Variants in PALS2 observed in about 807,000 individuals in gnomAD.
PALS2 encodes the protein protein associated with LIN7 2, MAGUK p55 family member, also known as protein PALS2.
Under a neutral mutation model 61.6 loss-of-function variants are expected in PALS2, and 27 were observed. The observed-to-expected ratio is 0.44, with a 90% CI of 0.32 to 0.60. PALS2 has a LOEUF of 0.60. Among genes scored for constraint, PALS2 ranks in the 20% least tolerant of loss-of-function variants. The pLI is 0.05. For missense variants in PALS2, 554 were observed against 639.4 expected (o/e 0.87, Z 1.44); for synonymous variants, 236 against 218.6 (o/e 1.08, Z -0.70).
intron 9 of PALS2, among the ~76,000 whole-genome samples, chr7:24,671,227 G>A (rs537684930): frequency 1.3e-4 from 20 of 152,324 alleles, no homozygotes; most frequent in Admixed American, 5.2e-4. Flanking sequence ...CCTAGTGGGT[G>A]TAAAGTTGTA....
intron 2 of PALS2, among the ~76,000 whole-genome samples, chr7:24,632,365 A>G (rs1357149284): frequency 6.6e-6 from 1 of 152,114 alleles, no homozygotes; most frequent in Non-Finnish European, 1.5e-5. Context: ...GGTAGACAAC[A>G]TGTAATTCGA....
chr7:24,678,302 C>T (rs1374275798), intron 9 of PALS2, among the ~76,000 whole-genome samples: 1 of 152,148 alleles, frequency 6.6e-6, no homozygotes, highest in Non-Finnish European at 1.5e-5. Context: ...AAAGGATCTC[C>T]TACTTCTAAA....
intron 2 of PALS2, among the ~76,000 whole-genome samples, chr7:24,635,387 G>T (rs993544666): frequency 2.0e-5 from 3 of 151,990 alleles, no homozygotes; most frequent in African/African-American, 7.3e-5. Context: ...ATTGATTTTT[G>T]TATATTGATC....
chr7:24,650,221 A>G (rs1370727984), intron 4 of PALS2, among the ~76,000 whole-genome samples: 1 of 152,188 alleles, frequency 6.6e-6, no homozygotes, highest in African/African-American at 2.4e-5. Flanking sequence ...AAAGCCAGGA[A>G]TAAGTCCATC....
chr7:24,621,373 A>G (rs958607471), intron 1 of PALS2, among the ~76,000 whole-genome samples: 6 of 152,144 alleles, frequency 3.9e-5, no homozygotes, highest in African/African-American at 1.4e-4. Flanking sequence ...AAATATTTGA[A>G]TATTTAGAAA....
intron 2 of PALS2, among the ~76,000 whole-genome samples, chr7:24,627,183 A>T (rs1784785933): frequency 6.6e-6 from 1 of 152,228 alleles, no homozygotes; most frequent in Non-Finnish European, 1.5e-5. Flanking sequence ...ACCACAGTGC[A>T]ATCAAATTAG....
chr7:24,598,928 A>G (rs1783617046), intron 1 of PALS2, among the ~76,000 whole-genome samples: 1 of 152,208 alleles, frequency 6.6e-6, no homozygotes, highest in Non-Finnish European at 1.5e-5. Flanking sequence ...TTTTTAATGC[A>G]GTGCTTTGTA....
chr7:24,651,627 A>G (rs536199248), intron 5 of PALS2, among the ~76,000 whole-genome samples: 6 of 152,254 alleles, frequency 3.9e-5, no homozygotes, highest in African/African-American at 1.2e-4. Flanking sequence ...ATTGCGGAGG[A>G]AGAATTGAAA....
rs1562605065 is a variant in PALS2 at position 24,596,783 on chromosome 7, A to G, written c.-3+23190A>G. On this transcript the variant is annotated intron_variant, in intron 1 of 11. Transcript: ENST00000222644. The surrounding 1 kb of genome is among the most constrained non-coding windows in gnomAD (Gnocchi z 4.5). ...CACTTTAACAAGGATATTTCTGGAC[A>G]TAGTAGGAAGCATGGACTGTGGTGG... Among the ~76,000 whole-genome samples the G allele has an allele frequency of 6.6e-6, 1 of 152,162 alleles. No homozygotes were observed. The highest frequency in any genetic ancestry group is 1.5e-5 in the Non-Finnish European group (1 of 68,018).
At chr7:24,582,329 A>G (rs1353237933) in intron 1 of PALS2, among the ~76,000 whole-genome samples, 12 of 152,224 alleles carry the variant, frequency 7.9e-5, no homozygotes, top group Non-Finnish European at 4.4e-5. Flanking sequence ...AATTGGGAAT[A>G]CTAATTCTAG....
chr7:24,663,490 T>C (rs1490268724), intron 5 of PALS2, 100 bp from the exon 6 acceptor site: 21 of 1,148,330 alleles, frequency 1.8e-5, no homozygotes, highest in South Asian at 3.7e-5. Flanking sequence ...ACTAAATACA[T>C]TGTCAGTTAC....
chr7:24,690,466 G>A lies in PALS2; in HGVS notation c.*2852G>A, dbSNP rs1014135433. The A allele has an allele frequency of 2.0e-5, 3 of 152,182 alleles. No individual in the cohort carries two copies. The highest frequency in any genetic ancestry group is 2.1e-4 in the South Asian group (1 of 4,836). The allele number at this position is 152,182 out of a possible 1,614,324, so 9.4% of individuals were successfully genotyped here. A position where few individuals can be genotyped will look rare whatever the true frequency, so the allele number is the denominator to read the frequency against. ...CTTTTGGGAAACATGATGTGCCAAC[G>A]TATTAATGTGCCTGAGGGCTCCTTG... is the stretch of plus-strand genomic sequence containing the variant. On this transcript the variant is annotated 3_prime_UTR_variant, in exon 12 of 12. Transcript: ENST00000222644.
intron 1 of PALS2, among the ~76,000 whole-genome samples, chr7:24,619,190 TC>T (rs1784401309): frequency 6.6e-6 from 1 of 152,214 alleles, no homozygotes; most frequent in South Asian, 2.1e-4. Flanking sequence ...GGAGTATTCT[TC>T]CGCTTGATCT....
rs74918908 is a variant in PALS2 at position 24,618,831 on chromosome 7, G to T, written c.-2-4835G>T. Among the ~76,000 whole-genome samples, 1 of 152,046 alleles carries T rather than the reference G, an allele frequency of 6.6e-6. No homozygotes were observed. The highest frequency in any genetic ancestry group is 1.9e-4 in the East Asian group (1 of 5,190). On this transcript the variant is annotated intron_variant, in intron 1 of 11. Transcript: ENST00000222644. The surrounding 1 kb of genome is among the most constrained non-coding windows in gnomAD (Gnocchi z 5.1). Reference sequence around the variant, plus strand: ...CCTCTCCACTTCCCTGCTGTACTTCGGCACTCTCCCTTCAACACTCCAGTC... The same window carrying T: ...CCTCTCCACTTCCCTGCTGTACTTCTGCACTCTCCCTTCAACACTCCAGTC...
intron 5 of PALS2, among the ~76,000 whole-genome samples, chr7:24,654,137 TTATA>T (rs987834507): frequency 2.6e-4 from 39 of 152,174 alleles, no homozygotes; most frequent in African/African-American, 9.4e-4. Flanking sequence ...TAATTATTGA[TTATA>T]TACAGTTATT....
chr7:24,671,906 G>A (rs1018340110), intron 9 of PALS2, among the ~76,000 whole-genome samples: 5 of 151,732 alleles, frequency 3.3e-5, no homozygotes, highest in Non-Finnish European at 5.9e-5. Flanking sequence ...CTAGATGTCT[G>A]TCCTTATGCC....
Position 24,609,891 on chromosome 7 carries a change from C to G in PALS2, c.-2-13775C>G, listed in dbSNP as rs893587251. Among the ~76,000 whole-genome samples, 4 of 152,238 alleles carry G rather than the reference C, an allele frequency of 2.6e-5. No homozygotes were observed. The East Asian group carries it at 7.7e-4, about 29-fold the overall frequency. ...CTGCACTTTGTTGTTGTTGTTGACT[C>G]CAAGCTTGAATTTTCTCTAGGAATG... On this transcript the variant is annotated intron_variant, in intron 1 of 11. Coordinates refer to ENST00000222644, the MANE Select transcript of PALS2 (RefSeq NM_001303037.2).
At chr7:24,649,958 T>G (rs1362322752) in intron 4 of PALS2, among the ~76,000 whole-genome samples, 194 bp downstream of exon 4, 1 of 152,118 alleles carries the variant, frequency 6.6e-6, no homozygotes, top group Non-Finnish European at 1.5e-5. Flanking sequence ...AAATGAAAAG[T>G]TAAACTGAGC....
In PALS2 at chr7:24,573,480, G is replaced by GA; in HGVS notation, c.-115dup. Reference sequence around the variant, plus strand: ...TTTCCAGTTCTCAACTACGAGCCACGAGTTTGCAGATGGGGCTGCTCGGCG... The same window carrying GA: ...TTTCCAGTTCTCAACTACGAGCCACGAAGTTTGCAGATGGGGCTGCTCGGCG... On this transcript the variant is annotated 5_prime_UTR_variant, in exon 1 of 12. Transcript: ENST00000222644. The surrounding 1 kb of genome is among the most constrained non-coding windows in gnomAD (Gnocchi z 5.3). The GA allele has an allele frequency of 2.6e-6, 1 of 384,328 alleles. No homozygotes were observed. Among genetic ancestry groups the GA allele is most frequent in the Non-Finnish European group, 4.6e-6 (1 of 217,252 alleles). 23.8% of individuals were successfully genotyped at this position (384,328 alleles called of 1,614,324 possible). A position where few individuals can be genotyped will look rare whatever the true frequency, so the allele number is the denominator to read the frequency against.
Sources: allele counts gnomAD v4.1 joint callset (sites outside exome capture counted in the v4.1 genomes callset), GRCh38; gene constraint gnomAD v4.1.1; non-coding constraint Gnocchi (gnomAD v3.1); transcripts MANE v1.5; gene names NCBI Gene and HGNC (gene_info 2026-07-23, HGNC 2026-07-21).